Variants in CDK8 observed in about 807,000 individuals in gnomAD.
The protein encoded by CDK8 is cyclin dependent kinase 8.
In CDK8, 29 loss-of-function variants were observed where a neutral mutation model predicts 71.5. That is an observed-to-expected ratio of 0.41 (90% CI 0.30 to 0.55). CDK8 has a LOEUF of 0.55. CDK8 is among the 20% of genes least tolerant of loss of function. CDK8 has a pLI of 0.37. For missense variants in CDK8, 288 were observed against 572.6 expected, an observed-to-expected ratio of 0.50 and a Z score of 5.07; for synonymous variants, 161 against 192.1, an observed-to-expected ratio of 0.84 and a Z score of 1.34.
At chr13:26,280,396 G>A (rs773953774) in intron 1 of CDK8, among the ~76,000 whole-genome samples, 3 of 152,218 alleles carry the variant, frequency 2.0e-5, no homozygotes, top group Non-Finnish European at 4.4e-5. Flanking sequence ...GATTTGGTAT[G>A]CATAGATGGA....
In CDK8 at chr13:26,353,721, AT is replaced by A. The variant is rs750914912; in HGVS notation, c.316-12del. On this transcript the variant is annotated intron_variant, in intron 3 of 12. Transcript: ENST00000381527. ...TTCCTTTTTTTAAGCTTCTGTTGAT[AT>A]TTTTTTCTTTCTTTCAGCATATAAT... 4 of 1,577,920 alleles carry A rather than the reference AT, an allele frequency of 2.5e-6. No individual in the cohort carries two copies. Among genetic ancestry groups the A allele is most frequent in the East Asian group, 2.3e-5 (1 of 44,296 alleles).
In CDK8 at chr13:26,306,668, G is replaced by A. The variant is rs188409536; in HGVS notation, c.129-30899G>A. On this transcript the variant is annotated intron_variant, in intron 1 of 12. Coordinates refer to ENST00000381527, the MANE Select transcript of CDK8 (RefSeq NM_001260.3). ...CCTTGAGATGGAGTCTCATTCTGTC[G>A]CCCAGGCTGGAGTGCAGTGGCATTA... Among the ~76,000 whole-genome samples the A allele has an allele frequency of 9.4e-4, 126 of 134,218 alleles. 1 individual carries two copies. The highest frequency in any genetic ancestry group is 7.3e-4 in the Non-Finnish European group (48 of 65,612). 88.1% of individuals were successfully genotyped at this position (134,218 alleles called of 152,430 possible).
chr13:26,371,501 T>C (rs1169897706), intron 4 of CDK8, among the ~76,000 whole-genome samples: 1 of 152,232 alleles, frequency 6.6e-6, no homozygotes, highest in Non-Finnish European at 1.5e-5. Context: ...AGATATAGTT[T>C]ATTTCAAAAA....
At chr13:26,270,703 A>G (rs1232419537) in intron 1 of CDK8, among the ~76,000 whole-genome samples, 1 of 152,164 alleles carries the variant, frequency 6.6e-6, no homozygotes, top group Non-Finnish European at 1.5e-5. Flanking sequence ...TCCATGTTGT[A>G]GCATATATCA....
At chr13:26,321,967 C>T (rs1874796635) in intron 1 of CDK8, among the ~76,000 whole-genome samples, 1 of 152,058 alleles carries the variant, frequency 6.6e-6, no homozygotes, top group South Asian at 2.1e-4. Flanking sequence ...GCATGTGGTG[C>T]TGACTTCAAC....
chr13:26,385,487 C>A, intron 6 of CDK8, 145 bp downstream of exon 6: 1 of 622,564 alleles, frequency 1.6e-6, no homozygotes, highest in Non-Finnish European at 2.5e-6. Flanking sequence ...GTAATCCAAG[C>A]ACTTTGGGAG....
At chr13:26,348,365 G>A (rs1374104110) in intron 2 of CDK8, among the ~76,000 whole-genome samples, 1 of 152,104 alleles carries the variant, frequency 6.6e-6, no homozygotes, top group Non-Finnish European at 1.5e-5. Flanking sequence ...TGAGCCACAG[G>A]CAAGCGAGCA....
intron 1 of CDK8, among the ~76,000 whole-genome samples, chr13:26,268,472 C>T (rs933226627): frequency 1.3e-5 from 2 of 152,078 alleles, no homozygotes; most frequent in African/African-American, 4.8e-5. Flanking sequence ...TGTGTCACCA[C>T]ATCTGGCTAA....
intron 1 of CDK8, among the ~76,000 whole-genome samples, chr13:26,325,813 T>G (rs1874994392): frequency 6.6e-6 from 1 of 152,188 alleles, no homozygotes; most frequent in Admixed American, 6.5e-5. Flanking sequence ...TTGGCCAGAT[T>G]CAGGGTATTC....
chr13:26,354,153 C>T (rs957505063), intron 4 of CDK8, among the ~76,000 whole-genome samples: 1 of 152,084 alleles, frequency 6.6e-6, no homozygotes, highest in Non-Finnish European at 1.5e-5. Context: ...AAAGCATTGG[C>T]TTGCTTTAAA....
At chr13:26,310,607 G>A (rs750840121) in intron 1 of CDK8, among the ~76,000 whole-genome samples, 1 of 152,112 alleles carries the variant, frequency 6.6e-6, no homozygotes, top group East Asian at 1.9e-4. Flanking sequence ...ATCTAATGTC[G>A]CTACTGATAT....
intron 4 of CDK8, among the ~76,000 whole-genome samples, chr13:26,376,500 T>C (rs918958274): frequency 6.6e-6 from 1 of 152,234 alleles, no homozygotes; most frequent in Admixed American, 6.5e-5. Flanking sequence ...TGTTAATATG[T>C]GTACACATTC....
chr13:26,372,479 A>G (rs1295890906), intron 4 of CDK8, among the ~76,000 whole-genome samples: 1 of 152,260 alleles, frequency 6.6e-6, no homozygotes, highest in Non-Finnish European at 1.5e-5. Context: ...CAAATGATGT[A>G]GTTAATTTAA....
At chr13:26,294,430 T>C (rs959870552) in intron 1 of CDK8, among the ~76,000 whole-genome samples, 7 of 152,218 alleles carry the variant, frequency 4.6e-5, no homozygotes, top group African/African-American at 1.7e-4. Context: ...TCATATCCTA[T>C]ATAGCCAGTA....
At chr13:26,277,722 A>G (rs562121995) in intron 1 of CDK8, among the ~76,000 whole-genome samples, 1 of 152,334 alleles carries the variant, frequency 6.6e-6, no homozygotes, top group East Asian at 1.9e-4. Context: ...CAGTGTTGAA[A>G]TAAGACAGTT....
At chr13:26,329,489 T>TG (rs1340929162) in intron 1 of CDK8, among the ~76,000 whole-genome samples, 3 of 150,966 alleles carry the variant, frequency 2.0e-5, no homozygotes, top group Admixed American at 6.6e-5. Context: ...TTTTGTTTTT[T>TG]TTTTGTTTGT....
intron 1 of CDK8, among the ~76,000 whole-genome samples, chr13:26,327,960 T>G (rs1261494158): frequency 9.9e-6 from 1 of 100,910 alleles, no homozygotes; most frequent in Admixed American, 1.5e-4. Flanking sequence ...ATTTAAGAGC[T>G]GTCTTTTTTT....
chr13:26,343,195 G>T (rs553803798), intron 2 of CDK8, among the ~76,000 whole-genome samples: 3 of 152,158 alleles, frequency 2.0e-5, no homozygotes, highest in Non-Finnish European at 2.9e-5. Flanking sequence ...TGCCATCGCA[G>T]AGTGTACTTA....
chr13:26,370,144 C>T (rs1267457503), intron 4 of CDK8, among the ~76,000 whole-genome samples: 5 of 152,156 alleles, frequency 3.3e-5, no homozygotes, highest in African/African-American at 1.2e-4. Context: ...AAAGAAAGAA[C>T]ATTTCCTTAA....
Sources: gnomAD v4.1 joint callset for allele counts (sites outside exome capture counted in the v4.1 genomes callset) on GRCh38, gnomAD v4.1.1 for gene constraint, MANE v1.5 for transcripts, NCBI Gene and HGNC (gene_info 2026-07-23, HGNC 2026-07-21) for gene names.